CTSL: variants seen among roughly 807,000 people sequenced by gnomAD.
CTSL encodes procathepsin L.
In CTSL, 23 loss-of-function variants were observed where a neutral mutation model predicts 34.7. The ratio of observed to expected loss-of-function variants is 0.66; its 90% CI spans 0.48 to 0.94. The LOEUF is 0.94. Among genes scored for constraint, CTSL ranks in the 40% least tolerant of loss-of-function variants. The pLI is 0.00. For synonymous variants in CTSL, 129 were observed against 136.7 expected, an observed-to-expected ratio of 0.94 and a Z score of 0.39; for missense variants, 361 against 406.3, an observed-to-expected ratio of 0.89 and a Z score of 0.96.
At chr9:87,727,901 T>C in intron 2 of CTSL, 126 bp from the exon 3 acceptor site, 2 of 1,445,890 alleles carry the variant, frequency 1.4e-6, no homozygotes, top group Non-Finnish European at 1.9e-6. Flanking sequence ...GAGAACAGCA[T>C]CCCCAGAGGT....
chr9:87,728,566 T>C lies in CTSL; in HGVS notation c.397-19T>C. The C allele has an allele frequency of 6.3e-7, 1 of 1,598,828 alleles. No homozygotes were observed. Among genetic ancestry groups the C allele is most frequent in the Middle Eastern group, 1.7e-4 (1 of 5,884 alleles). On this transcript the variant is annotated intron_variant, in intron 4 of 7. Transcript: ENST00000343150. ...ATTTTTTTTTTGTGGATGACAGCTT[T>C]TTTTAATTCCCTTTTCAGGGTCAGT...
Position 87,730,495 on chromosome 9 carries a change from A to G in CTSL, c.899A>G (p.Asn300Ser). 6.3e-7 allele frequency: 1 copy of G among 1,598,302 alleles called. No homozygotes were observed. Among genetic ancestry groups the G allele is most frequent in the South Asian group, 1.1e-5 (1 of 89,470 alleles). The change falls in exon 7 of 8, where the codon AAC becomes AGC. Residue 300 changes from asparagine to serine, a missense_variant. By Grantham distance (46) the Asn-to-Ser change is conservative. Transcript: ENST00000343150. Reference protein sequence around the residue: ...SDNNKYWLVKNSWGEEWGMGG... With the variant: ...SDNNKYWLVKSSWGEEWGMGG... ...AACAATAAATATTGGCTGGTGAAGA[A>G]CAGGTATAAATTGCCAGAAATACTT...
chr9:87,730,240 T>C (rs1199861656), intron 6 of CTSL, 141 bp from the exon 7 acceptor site: 2 of 502,692 alleles, frequency 4.0e-6, no homozygotes, highest in Non-Finnish European at 7.1e-6. Flanking sequence ...TCCCTGGCCT[T>C]CTTATTGTTG....
At chr9:87,729,832 A>C in intron 6 of CTSL, 97 bp downstream of exon 6, 1 of 1,197,932 alleles carries the variant, frequency 8.3e-7, no homozygotes, top group South Asian at 1.6e-5. Context: ...TTCAGTGTAG[A>C]TATTTAGGTG....
rs758031670 is a variant in CTSL at position 87,731,031 on chromosome 9, G to A, written c.926G>A (p.Gly309Asp). The change falls in exon 8 of 8, where the codon GGT (glycine) becomes GAT (aspartate). Residue 309 changes from glycine to aspartate, a missense_variant. Physicochemically the swap from Gly to Asp is moderately conservative, Grantham distance 94 (BLOSUM62 -1). Coordinates refer to ENST00000343150, the MANE Select transcript of CTSL (RefSeq NM_001912.5). The stretch of plus-strand genomic sequence containing the variant: ...AGCTGGGGTGAAGAATGGGGCATGG[G>A]TGGCTACGTAAAGATGGCCAAAGAC... ...KNSWGEEWGM[G>D]GYVKMAKDRR... The A allele has an allele frequency of 6.2e-7, 1 of 1,614,038 alleles. No homozygotes were observed. Among genetic ancestry groups the A allele is most frequent in the Non-Finnish European group, 8.5e-7 (1 of 1,179,950 alleles).
intron 5 of CTSL, 85 bp from the exon 6 acceptor site, chr9:87,729,488 C>T: frequency 1.7e-6 from 2 of 1,201,814 alleles, no homozygotes; most frequent in Non-Finnish European, 2.4e-6. Context: ...AAGCTGCACA[C>T]TGCTGAGTGT....
At chr9:87,728,949 G>A (rs1826150139) in intron 5 of CTSL, 140 bp downstream of exon 5, 6 of 1,478,256 alleles carry the variant, frequency 4.1e-6, no homozygotes, top group Non-Finnish European at 5.4e-6. Flanking sequence ...CCTTTAGGAG[G>A]CTGAGCCAGG....
intron 1 of CTSL, 135 bp from the exon 2 acceptor site, chr9:87,727,459 C>T: frequency 1.1e-6 from 1 of 943,446 alleles, no homozygotes; most frequent in Non-Finnish European, 1.6e-6. Flanking sequence ...GCCTCTTCCA[C>T]AGTCCTTGGG....
intron 6 of CTSL, among the ~76,000 whole-genome samples, chr9:87,730,147 C>CT (rs1195675458): frequency 6.6e-6 from 1 of 151,476 alleles, no homozygotes; most frequent in Non-Finnish European, 1.5e-5. Context: ...AAAGAGGGGT[C>CT]TTTTTTTCCT....
chr9:87,730,395 C>T lies in CTSL; in HGVS notation c.799C>T (p.Pro267Ser), dbSNP rs1358540158. 1.2e-6 allele frequency: 2 copies of T among 1,609,296 alleles called. No individual in the cohort carries two copies. Among genetic ancestry groups the T allele is most frequent in the Admixed American group, 1.7e-5 (1 of 58,982 alleles). ...TACCATCCCAGGCATTTATTTTGAG[C>T]CAGACTGTAGCAGTGAAGACATGGA... ...LFYKEGIYFE[P>S]DCSSEDMDHG... The change falls in exon 7 of 8, where the codon CCA becomes TCA. Residue 267 changes from proline (P) to serine (S), a missense_variant. Coordinates refer to ENST00000343150, the MANE Select transcript of CTSL (RefSeq NM_001912.5).
intron 6 of CTSL, 141 bp from the exon 7 acceptor site, chr9:87,730,237 CCTT>C (rs1826205697): frequency 2.0e-6 from 1 of 493,926 alleles, no homozygotes; most frequent in African/African-American, 2.0e-5. Context: ...AAATCCCTGG[CCTT>C]CTTATTGTTG....
Position 87,728,846 on chromosome 9 carries a change from T to G in CTSL, c.621+37T>G, listed in dbSNP as rs201746195. 3.1e-6 allele frequency: 5 copies of G among 1,614,018 alleles called. No homozygotes were observed. In the East Asian group the frequency reaches 1.1e-4, roughly 36 times the overall value. On this transcript the variant is annotated intron_variant, in intron 5 of 7. Transcript: ENST00000343150. ...TCCTTGTCATCATTCCAGCTCAGCT[T>G]TTGGAAGGTGGACACTTTAAGAGAT...
chr9:87,728,543 T>A, intron 4 of CTSL, 42 bp from the exon 5 acceptor site: 1 of 1,585,930 alleles, frequency 6.3e-7, no homozygotes, highest in Non-Finnish European at 8.6e-7. Context: ...GTCTTATTAT[T>A]TTTTTTTTGT....
chr9:87,729,666 G>C lies in CTSL; in HGVS notation c.715G>C (p.Val239Leu). The C allele has an allele frequency of 6.2e-7, 1 of 1,614,150 alleles. No individual in the cohort carries two copies. Among genetic ancestry groups the C allele is most frequent in the Admixed American group, 1.7e-5 (1 of 60,026 alleles). The stretch of plus-strand genomic sequence containing the variant: ...GCAGGAGAAGGCCCTGATGAAGGCA[G>C]TTGCAACTGTGGGGCCCATTTCTGT... ...PKQEKALMKA[V>L]ATVGPISVAI... is the part of the protein sequence containing the mutation. Residue 239 changes from valine (V) to leucine (L), a missense_variant, in exon 6 of 8, where the codon GTT (valine) becomes CTT (leucine). Coordinates refer to ENST00000343150, the MANE Select transcript of CTSL (RefSeq NM_001912.5).
rs1826095861 is a variant in CTSL, at chr9:87,728,060, A to G, written c.160A>G (p.Lys54Glu). Residue 54 changes from lysine to glutamate, a missense_variant, in exon 3 of 8, where the codon AAG becomes GAG. Coordinates refer to ENST00000343150, the MANE Select transcript of CTSL (RefSeq NM_001912.5). ...EEGWRRAVWE[K>E]NMKMIELHNQ... ...AGGATGGAGGAGAGCAGTGTGGGAG[A>G]AGAACATGAAGATGATTGAACTGCA... 1 of 1,613,890 alleles carries G rather than the reference A, an allele frequency of 6.2e-7. No homozygotes were observed. Among genetic ancestry groups the G allele is most frequent in the African/African-American group, 1.3e-5 (1 of 75,004 alleles).
At chr9:87,727,187 C>T (rs747996304) in intron 1 of CTSL, among the ~76,000 whole-genome samples, 7 of 152,178 alleles carry the variant, frequency 4.6e-5, no homozygotes, top group Non-Finnish European at 1.0e-4. Flanking sequence ...TTGGGAATCC[C>T]ACCTTATCAT....
rs140195530 is a variant in CTSL, at chr9:87,727,893, G to A, written c.127-134G>A. The A allele has an allele frequency of 9.3e-5, 134 of 1,434,032 alleles. 1 individual carries two copies. The Middle Eastern group carries it at 1.4e-3, about 15-fold the overall frequency. 88.8% of individuals were successfully genotyped at this position (1,434,032 alleles called of 1,614,324 possible). A position where few individuals can be genotyped will look rare whatever the true frequency, so the allele number is the denominator to read the frequency against. On this transcript the variant is annotated intron_variant, in intron 2 of 7. Transcript: ENST00000343150. ...CATCCTTGTTGTGTCTCAGTTTGGA[G>A]AACAGCATCCCCAGAGGTGTCAAGC...
chr9:87,730,347 G>A (rs1826209703), intron 6 of CTSL, 34 bp from the exon 7 acceptor site: 9 of 1,481,066 alleles, frequency 6.1e-6, no homozygotes, highest in Non-Finnish European at 7.4e-6. Context: ...GTCCTCTGGA[G>A]CTTCTCACCC....
Position 87,728,300 on chromosome 9 carries a change from C to G in CTSL, c.300C>G (p.Pro100=). Residue 100 remains proline (P), a synonymous_variant, in exon 4 of 8, where the codon CCC becomes CCG. Coordinates refer to ENST00000343150, the MANE Select transcript of CTSL (RefSeq NM_001912.5). ...TGAATGGCTTTCAAAACCGTAAGCCCAGGAAGGGGAAAGTGTTCCAGGAAC... is the reference window on the plus strand; with the variant it reads ...TGAATGGCTTTCAAAACCGTAAGCCGAGGAAGGGGAAAGTGTTCCAGGAAC... ...QVMNGFQNRK[P]RKGKVFQEPL... 1 of 1,614,134 alleles carries G rather than the reference C, an allele frequency of 6.2e-7. No individual in the cohort carries two copies. The highest frequency in any genetic ancestry group is 1.6e-4 in the Middle Eastern group (1 of 6,062).
Sources: allele counts gnomAD v4.1 joint callset (sites outside exome capture counted in the v4.1 genomes callset), GRCh38; gene constraint gnomAD v4.1.1; transcripts MANE v1.5; gene names NCBI Gene and HGNC (gene_info 2026-07-23, HGNC 2026-07-21).